RNF212: variants seen among roughly 807,000 people sequenced by gnomAD.
The protein encoded by RNF212 is probable E3 SUMO-protein ligase RNF212.
Under a neutral mutation model 34.7 loss-of-function variants are expected in RNF212, and 33 were observed. That is an observed-to-expected ratio of 0.95 (90% CI 0.72 to 1.27). RNF212 has a LOEUF of 1.27. Among genes scored for constraint, RNF212 ranks in the 50% most tolerant of loss-of-function variants. The pLI is 0.00. For synonymous variants in RNF212, 140 were observed against 136.1 expected (o/e 1.03, Z -0.20); for missense variants, 377 against 362.2 (o/e 1.04, Z -0.33).
intron 9 of RNF212, 65 bp downstream of exon 9, chr4:1,073,534 C>A: frequency 8.3e-7 from 1 of 1,207,282 alleles, no homozygotes; most frequent in Non-Finnish European, 1.2e-6. Flanking sequence ...TTAAACATGA[C>A]CTTTCAGGGA....
At chr4:1,077,557 ATCC>A (rs935547055) in intron 8 of RNF212, among the ~76,000 whole-genome samples, 5 of 152,156 alleles carry the variant, frequency 3.3e-5, no homozygotes, top group Admixed American at 2.0e-4. Context: ...AGTATTCTCT[ATCC>A]TCCTCAATTA....
chr4:1,085,649 C>T (rs1374088511), intron 5 of RNF212: 1 of 556,896 alleles, frequency 1.8e-6, no homozygotes, highest in African/African-American at 1.9e-5. Flanking sequence ...ACTGCCTCAG[C>T]AATCACTGGG....
At chr4:1,088,016 G>A (rs1016240241) in intron 4 of RNF212, among the ~76,000 whole-genome samples, 1 of 152,054 alleles carries the variant, frequency 6.6e-6, no homozygotes, top group South Asian at 2.1e-4. Context: ...AAAGAAAATT[G>A]GTACCAGTAG....
At chr4:1,087,891 G>GT (rs1721595303) in intron 4 of RNF212, among the ~76,000 whole-genome samples, 1 of 152,118 alleles carries the variant, frequency 6.6e-6, no homozygotes, top group Middle Eastern at 3.4e-3. Flanking sequence ...TGCCATGATT[G>GT]TAAGTTTCCT....
chr4:1,062,755 G>C (rs1717831888), intron 3 of RNF212, among the ~76,000 whole-genome samples: 1 of 152,010 alleles, frequency 6.6e-6, no homozygotes, highest in Admixed American at 6.5e-5. Flanking sequence ...GGTTGGAAAG[G>C]AAAAAGTAAA....
In RNF212 at chr4:1,113,484, C is replaced by T. The variant is rs895948416; in HGVS notation, c.-20G>A. 1.3e-5 allele frequency: 20 copies of T among 1,595,114 alleles called. No homozygotes were observed. The highest frequency in any genetic ancestry group is 1.2e-4 in the Admixed American group (7 of 59,040). The stretch of plus-strand genomic sequence containing the variant: ...GGCCATGCCAGGCGGGCGACCGCAG[C>T]GGCGAGGCCGGGCCCACGCGAAGCC... On this transcript the variant is annotated 5_prime_UTR_variant, in exon 1 of 10. Transcript: ENST00000433731.
chr4:1,098,719 C>T (rs1285060186), intron 2 of RNF212, among the ~76,000 whole-genome samples: 3 of 152,020 alleles, frequency 2.0e-5, no homozygotes, highest in Admixed American at 1.3e-4. Flanking sequence ...CTCGGTCTCC[C>T]TACGTATAAA....
intron 2 of RNF212, chr4:1,100,110 C>T (rs1478851667): frequency 7.6e-5 from 26 of 344,058 alleles, no homozygotes. Flanking sequence ...TTGCTAGAGT[C>T]TCGGCTGTCA....
intron 8 of RNF212, among the ~76,000 whole-genome samples, chr4:1,074,990 A>G (rs2014318): frequency 0.81 from 123,384 of 152,172 alleles, 50,728 homozygotes; most frequent in African/African-American, 0.94. Context: ...TTCGAACTAC[A>G]TTCCATTTGC....
chr4:1,085,959 A>G lies in RNF212; in HGVS notation c.304-5T>C, dbSNP rs933869204. On this transcript the variant is annotated splice_polypyrimidine_tract_variant and splice_region_variant and intron_variant, in intron 4 of 9. Coordinates refer to ENST00000433731, the MANE Select transcript of RNF212 (RefSeq NM_001131034.4). ...GGATTCTTCCAACCTAGAAATCTAA[A>G]CATAATTACACAACCTCTTGTTATC... The G allele has an allele frequency of 6.3e-7, 1 of 1,590,336 alleles. No homozygotes were observed. The highest frequency in any genetic ancestry group is 8.6e-7 in the Non-Finnish European group (1 of 1,159,376).
chr4:1,064,974 T>G (rs550681330), intron 3 of RNF212, among the ~76,000 whole-genome samples: 1 of 152,256 alleles, frequency 6.6e-6, no homozygotes, highest in African/African-American at 2.4e-5. Flanking sequence ...TGCCAGAGTT[T>G]CCTTCCATTT....
At chr4:1,080,598 G>C (rs1407240342) in intron 7 of RNF212, among the ~76,000 whole-genome samples, 2 of 152,096 alleles carry the variant, frequency 1.3e-5, no homozygotes, top group Non-Finnish European at 2.9e-5. Flanking sequence ...GTGCCTGCCT[G>C]CTCTAAACCC....
At chr4:1,097,097 C>T (rs764834295) in intron 2 of RNF212, among the ~76,000 whole-genome samples, 29 of 152,098 alleles carry the variant, frequency 1.9e-4, no homozygotes, top group Admixed American at 6.5e-4. Flanking sequence ...GGCAAGGACA[C>T]GCTCCCTCCT....
chr4:1,089,053 G>T (rs1363654114), intron 4 of RNF212, among the ~76,000 whole-genome samples: 1 of 152,252 alleles, frequency 6.6e-6, no homozygotes, highest in Non-Finnish European at 1.5e-5. Flanking sequence ...TCCCAACTGG[G>T]GTGCTGCCTA....
At chr4:1,069,168 A>G (rs1381667325), downstream of RNF212, among the ~76,000 whole-genome samples, 1 of 151,612 alleles carries the variant, frequency 6.6e-6, no homozygotes, top group Non-Finnish European at 1.5e-5. Flanking sequence ...CCGAGATTGC[A>G]CCACTGCACT....
intron 4 of RNF212, among the ~76,000 whole-genome samples, chr4:1,086,571 A>C: frequency 1.7e-5 from 1 of 59,124 alleles, no homozygotes; most frequent in African/African-American, 7.4e-5. Context: ...TAGGAGGGGT[A>C]GGGGAAAGAG....
chr4:1,095,319 C>G (rs1389160327), intron 3 of RNF212, among the ~76,000 whole-genome samples: 2 of 75,814 alleles, frequency 2.6e-5, no homozygotes, highest in African/African-American at 1.5e-4. Flanking sequence ...TGGCTCATCA[C>G]AGAACCAAGC....
chr4:1,080,262 C>G (rs1321367313), intron 7 of RNF212, among the ~76,000 whole-genome samples: 2 of 152,170 alleles, frequency 1.3e-5, no homozygotes, highest in African/African-American at 4.8e-5. Context: ...TCCAACAGCT[C>G]CAGCAAGAGT....
Position 1,082,045 on chromosome 4 carries a change from G to T in RNF212, c.363-426C>A, listed in dbSNP as rs563660625. ...GCGGGAGGATTGGTTGAGCCCAGGA[G>T]TTGGAGGCTACAGTGAGCTGTGATT... On this transcript the variant is annotated intron_variant, in intron 5 of 9. Coordinates refer to ENST00000433731, the MANE Select transcript of RNF212 (RefSeq NM_001131034.4). 8.4e-5 allele frequency: 19 copies of T among 226,536 alleles called. No individual in the cohort carries two copies. In the South Asian group the frequency reaches 1.3e-3, roughly 15 times the overall value. 14.0% of individuals were successfully genotyped at this position (226,536 alleles called of 1,614,324 possible). A position where few individuals can be genotyped will look rare whatever the true frequency, so the allele number is the denominator to read the frequency against.
Sources: allele counts gnomAD v4.1 joint callset (sites outside exome capture counted in the v4.1 genomes callset), GRCh38; gene constraint gnomAD v4.1.1; transcripts MANE v1.5; gene names NCBI Gene and HGNC (gene_info 2026-07-23, HGNC 2026-07-21).